ABCA12: variants seen among roughly 807,000 people sequenced by gnomAD.
ABCA12 encodes the protein ATP binding cassette subfamily A member 12.
A neutral mutation model predicts 293.5 loss-of-function variants in ABCA12; 156 were observed. The ratio of observed to expected loss-of-function variants is 0.53; its 90% CI spans 0.47 to 0.61. The LOEUF is 0.61. Among genes scored for constraint, ABCA12 ranks in the 20% least tolerant of loss-of-function variants. ABCA12 has a pLI of 0.00. For missense variants in ABCA12, 2,797 were observed against 3,090.2 expected (o/e 0.91, Z 2.25); for synonymous variants, 1,063 against 1,108.0 (o/e 0.96, Z 0.81).
At chr2:214,969,910 T>C (rs1699348273) in intron 37 of ABCA12, among the ~76,000 whole-genome samples, 1 of 152,040 alleles carries the variant, frequency 6.6e-6, no homozygotes, top group African/African-American at 2.4e-5. Flanking sequence ...TATCACACTC[T>C]TAAGTTTTGA....
chr2:214,976,938 A>G (rs1379053628), intron 33 of ABCA12, among the ~76,000 whole-genome samples: 1 of 152,332 alleles, frequency 6.6e-6, no homozygotes, highest in Non-Finnish European at 1.5e-5. Flanking sequence ...GATGGTATTC[A>G]TCAACTCTGC....
At chr2:214,958,246 T>G in intron 41 of ABCA12, 31 bp downstream of exon 41, 1 of 1,613,328 alleles carries the variant, frequency 6.2e-7, no homozygotes, top group East Asian at 2.2e-5. Flanking sequence ...TGATCTTTTA[T>G]TCCCTGCAAT....
intron 2 of ABCA12, among the ~76,000 whole-genome samples, chr2:215,084,144 A>C (rs991933875): frequency 6.6e-6 from 1 of 151,888 alleles, no homozygotes; most frequent in East Asian, 1.9e-4. Flanking sequence ...CACCTGGCCA[A>C]ATTTTTTTGT....
chr2:215,071,412 T>A (rs1048322799), intron 2 of ABCA12, among the ~76,000 whole-genome samples: 22 of 149,796 alleles, frequency 1.5e-4, no homozygotes, highest in African/African-American at 5.5e-4. Flanking sequence ...AAATAAATAA[T>A]TAATAATAAA....
At chr2:215,009,813 C>T (rs1240567183) in intron 18 of ABCA12, among the ~76,000 whole-genome samples, 3 of 152,104 alleles carry the variant, frequency 2.0e-5, no homozygotes. Context: ...GAGGGAAATA[C>T]TATTATGGTT....
chr2:214,932,524 G>C lies in ABCA12; in HGVS notation c.*110C>G. ...TAACACAGTTGTAACTTTCCATACA[G>C]TATATTACTTTACTTTAAAATGAAG... is the stretch of plus-strand genomic sequence containing the variant. On this transcript the variant is annotated 3_prime_UTR_variant, in exon 53 of 53. Transcript: ENST00000272895. 1 of 855,392 alleles carries C rather than the reference G, an allele frequency of 1.2e-6. No homozygotes were observed. Among genetic ancestry groups the C allele is most frequent in the Non-Finnish European group, 1.9e-6 (1 of 517,992 alleles). The allele number at this position is 855,392 out of a possible 1,614,324, so 53.0% of individuals were successfully genotyped here.
chr2:215,036,943 A>G lies in ABCA12; in HGVS notation c.985+10T>C. 6.2e-7 allele frequency: 1 copy of G among 1,610,054 alleles called. No individual in the cohort carries two copies. Among genetic ancestry groups the G allele is most frequent in the Non-Finnish European group, 8.5e-7 (1 of 1,176,422 alleles). On this transcript the variant is annotated intron_variant, in intron 8 of 52. Coordinates refer to ENST00000272895, the MANE Select transcript of ABCA12 (RefSeq NM_173076.3). Reference sequence around the variant, plus strand: ...ACTGAATTTAACACAGTAAGATGGAAATATAATACCTTGAGCTGGGGAGTC... The same window carrying G: ...ACTGAATTTAACACAGTAAGATGGAGATATAATACCTTGAGCTGGGGAGTC...
At position 215,012,194 on chromosome 2, in the gene ABCA12, T is replaced by G; in HGVS notation, c.1957-59A>C. The G allele has an allele frequency of 2.0e-6, 3 of 1,532,586 alleles. No homozygotes were observed. In the Admixed American group the frequency reaches 5.0e-5, roughly 26 times the overall value. The allele number at this position is 1,532,586 out of a possible 1,614,324, so 94.9% of individuals were successfully genotyped here. ...GTGGAAAAATTGAATCCTCATGCAT[T>G]GTTGGTAAGGTTGTAGAAAGGTACA... On this transcript the variant is annotated intron_variant, in intron 15 of 52. Transcript: ENST00000272895.
At position 215,119,103 on chromosome 2, in the gene ABCA12, TG is replaced by T. The variant is rs1702747125; in HGVS notation, c.70-7414del. On this transcript the variant is annotated intron_variant, in intron 1 of 52. Transcript: ENST00000272895. ...CTCCTGCCTCAGCCTCCCAAGTAGC[TG>T]GGATTACAGGCATGTGCCACCACGC... Among the ~76,000 whole-genome samples the T allele has an allele frequency of 1.3e-5, 2 of 152,220 alleles. 1 individual carries two copies. Among genetic ancestry groups the T allele is most frequent in the Non-Finnish European group, 2.9e-5 (2 of 68,042 alleles).
intron 2 of ABCA12, among the ~76,000 whole-genome samples, chr2:215,081,478 C>CAA (rs1242587402): frequency 0.28 from 4,821 of 17,400 alleles, 532 homozygotes; most frequent in African/African-American, 0.45. Flanking sequence ...GACTCTGTCT[C>CAA]AAAAAAAAAA....
At chr2:215,078,862 C>T (rs1701884033) in intron 2 of ABCA12, among the ~76,000 whole-genome samples, 1 of 152,210 alleles carries the variant, frequency 6.6e-6, no homozygotes. Flanking sequence ...AATTACTCCT[C>T]TTTTCCTAGT....
intron 24 of ABCA12, among the ~76,000 whole-genome samples, chr2:214,990,199 C>T (rs2105975957): frequency 6.6e-6 from 1 of 152,230 alleles, no homozygotes; most frequent in Non-Finnish European, 1.5e-5. Context: ...AAATTTCAGT[C>T]AGTAATCTTA....
chr2:214,978,042 C>A (rs1263295146), intron 33 of ABCA12, among the ~76,000 whole-genome samples: 1 of 152,108 alleles, frequency 6.6e-6, no homozygotes, highest in Non-Finnish European at 1.5e-5. Context: ...GAAGTTACTT[C>A]TTGAAAACAA....
At chr2:214,953,759 T>C (rs1698852833) in intron 44 of ABCA12, 95 bp downstream of exon 44, 18 of 1,451,116 alleles carry the variant, frequency 1.2e-5, no homozygotes, top group Admixed American at 2.2e-5. Flanking sequence ...ATTTCCATAT[T>C]ACCAATGGAA....
intron 36 of ABCA12, among the ~76,000 whole-genome samples, chr2:214,972,800 G>A (rs1490278506): frequency 1.3e-5 from 2 of 151,764 alleles, no homozygotes; most frequent in Non-Finnish European, 2.9e-5. Context: ...AAGAACTTCT[G>A]AAGTTAGCTA....
At chr2:215,092,292 C>T (rs183817605) in intron 2 of ABCA12, among the ~76,000 whole-genome samples, 124 of 152,216 alleles carry the variant, frequency 8.1e-4, no homozygotes, top group African/African-American at 2.9e-3. Flanking sequence ...CCAATTTGGA[C>T]AATATTCTCT....
chr2:215,107,841 G>A (rs1453560805), intron 2 of ABCA12, among the ~76,000 whole-genome samples: 6 of 152,206 alleles, frequency 3.9e-5, no homozygotes, highest in Non-Finnish European at 7.3e-5. Context: ...TCCAGTGCCC[G>A]AATTGTTAAG....
At chr2:214,999,909 A>C in intron 22 of ABCA12, 2 of 768,600 alleles carry the variant, frequency 2.6e-6, no homozygotes, top group Non-Finnish European at 3.2e-6. Context: ...GAAAAATCCA[A>C]TACCATCTGA....
chr2:214,972,973 C>T (rs1308832790), intron 36 of ABCA12, among the ~76,000 whole-genome samples: 5 of 151,958 alleles, frequency 3.3e-5, no homozygotes, highest in African/African-American at 1.2e-4. Context: ...GTCACCATGC[C>T]CAGCAAATTT....
Sources: allele counts gnomAD v4.1 joint callset (sites outside exome capture counted in the v4.1 genomes callset), GRCh38; gene constraint gnomAD v4.1.1; transcripts MANE v1.5; gene names NCBI Gene and HGNC (gene_info 2026-07-23, HGNC 2026-07-21).